CYP4B1: variants seen among roughly 807,000 people sequenced by gnomAD.
CYP4B1 encodes the protein cytochrome P450 family 4 subfamily B member 1.
A neutral mutation model predicts 54.0 loss-of-function variants in CYP4B1; 45 were observed. That is an observed-to-expected ratio of 0.83 (90% confidence interval 0.66 to 1.07). The LOEUF (loss-of-function observed/expected upper bound fraction) is 1.07, where lower values mean the gene tolerates loss of function less well. CYP4B1 is among the 50% of genes least tolerant of loss of function. The pLI is 0.00. For synonymous variants in CYP4B1, 248 were observed against 247.5 expected, an observed-to-expected ratio of 1.00 and a Z score of -0.02; for missense variants, 656 against 655.4, an observed-to-expected ratio of 1.00 and a Z score of -0.01.
chr1:46,806,002 G>A lies in CYP4B1; in HGVS notation c.181-4806G>A, dbSNP rs182427120. ...GGACTTCCCTGGGCAGTGGGAGCCTGTGTGGTCCCAGAGGGAGACCCATGG... is the reference window on the plus strand; with the variant it reads ...GGACTTCCCTGGGCAGTGGGAGCCTATGTGGTCCCAGAGGGAGACCCATGG... On this transcript the variant is annotated intron_variant, in intron 1 of 11. Coordinates refer to ENST00000371923, the MANE Select transcript of CYP4B1 (RefSeq NM_001099772.2). Among the ~76,000 whole-genome samples, 3 of 152,316 alleles carry A rather than the reference G, an allele frequency of 2.0e-5. No individual in the cohort carries two copies. In the East Asian group the frequency reaches 5.8e-4, roughly 29 times the overall value.
At chr1:46,803,956 T>A (rs562299744) in intron 1 of CYP4B1, among the ~76,000 whole-genome samples, 1 of 152,274 alleles carries the variant, frequency 6.6e-6, no homozygotes, top group Admixed American at 6.5e-5. Flanking sequence ...TTGGAAATGC[T>A]GGGTCTGAAG....
In CYP4B1 at chr1:46,813,889, TC is replaced by T; in HGVS notation, c.621-18del. On this transcript the variant is annotated intron_variant, in intron 5 of 11. Coordinates refer to ENST00000371923, the MANE Select transcript of CYP4B1 (RefSeq NM_001099772.2). ...CTGGGCCAGTGTCTAAGCCAATCCC[TC>T]CTCCTACCCTCTGCTTAGCAGGGAC... is the stretch of plus-strand genomic sequence containing the variant. 1.6e-6 allele frequency: 2 copies of T among 1,232,762 alleles called. No homozygotes were observed. The highest frequency in any genetic ancestry group is 3.3e-5 in the South Asian group (2 of 60,272). 76.4% of individuals were successfully genotyped at this position (1,232,762 alleles called of 1,614,324 possible). A position where few individuals can be genotyped will look rare whatever the true frequency, so the allele number is the denominator to read the frequency against.
intron 1 of CYP4B1, among the ~76,000 whole-genome samples, chr1:46,808,569 C>T (rs545292043): frequency 7.9e-5 from 12 of 151,884 alleles, no homozygotes; most frequent in East Asian, 1.9e-4. Flanking sequence ...GAGTAGGTTG[C>T]GAAAATTTTC....
rs1218477855 is a variant in CYP4B1 at position 46,815,550 on chromosome 1, T to C, written c.1073+286T>C. ...GCTAACTTCTTCTGACGGTAGAACCTGATTACCCTTCTGGGTCCCTGGATA... is the reference window on the plus strand; with the variant it reads ...GCTAACTTCTTCTGACGGTAGAACCCGATTACCCTTCTGGGTCCCTGGATA... On this transcript the variant is annotated intron_variant, in intron 8 of 11. Transcript: ENST00000371923. The C allele has an allele frequency of 1.0e-4, 29 of 280,560 alleles. 1 individual carries two copies. 17.4% of individuals were successfully genotyped at this position (280,560 alleles called of 1,614,324 possible).
intron 3 of CYP4B1, 135 bp downstream of exon 3, chr1:46,811,319 C>G (rs1679093174): frequency 1.1e-6 from 1 of 880,700 alleles, no homozygotes; most frequent in Non-Finnish European, 1.9e-6. Context: ...AGCTCAGCTG[C>G]TCAGTGGAGA....
Position 46,815,132 on chromosome 1 carries a change from T to C in CYP4B1, c.941T>C (p.Met314Thr). 6.2e-7 allele frequency: 1 copy of C among 1,614,172 alleles called. No individual in the cohort carries two copies. The highest frequency in any genetic ancestry group is 8.5e-7 in the Non-Finnish European group (1 of 1,180,018). The change falls in exon 8 of 12, where the codon ATG becomes ACG. Residue 314 changes from methionine (M) to threonine (T), a missense_variant. Coordinates refer to ENST00000371923, the MANE Select transcript of CYP4B1 (RefSeq NM_001099772.2). Reference protein sequence around the residue: ...ADLRAEVDTFMFEGHDTTTSG... With the variant: ...ADLRAEVDTFTFEGHDTTTSG... ...CTCCGGGCTGAAGTGGACACATTCA[T>C]GTTTGAAGGCCATGACACCACCACC...
intron 1 of CYP4B1, among the ~76,000 whole-genome samples, chr1:46,800,205 T>TCTC (rs756357452): frequency 0.39 from 13,371 of 34,144 alleles, 3,215 homozygotes; most frequent in East Asian, 0.53. Context: ...TTCTCTTTCT[T>TCTC]TCTTTCTTTC....
chr1:46,813,804 G>C (rs56392063), intron 5 of CYP4B1, 105 bp from the exon 6 acceptor site: 1 of 1,476,672 alleles, frequency 6.8e-7, no homozygotes, highest in South Asian at 1.2e-5. Flanking sequence ...GGGAGAAGAA[G>C]AGCAGGATGC....
At position 46,816,358 on chromosome 1, in the gene CYP4B1, G is replaced by A. The variant is rs533576184; in HGVS notation, c.1074-690G>A. The stretch of plus-strand genomic sequence containing the variant: ...TAGGCATTGTAGGCTGGGTAACAAT[G>A]TGAACACAACCCGAGGCAGGGATTA... On this transcript the variant is annotated intron_variant, in intron 8 of 11. Coordinates refer to ENST00000371923, the MANE Select transcript of CYP4B1 (RefSeq NM_001099772.2). 2.6e-5 allele frequency among the ~76,000 whole-genome samples: 4 copies of A among 152,274 alleles called. No homozygotes were observed. In the South Asian group the frequency reaches 8.3e-4, roughly 32 times the overall value.
At position 46,818,020 on chromosome 1, in the gene CYP4B1, C is replaced by T. The variant is rs186785862; in HGVS notation, c.1263C>T (p.Pro421=). ...TCCATAGGAACAGTGCTGTATGGCC[C>T]GACCCTGAGGTACCCTTTCCCTGGG... ...YALHRNSAVW[P]DPEVFDSLRF... The change falls in exon 10 of 12, where the codon CCC becomes CCT. Residue 421 remains proline, a synonymous_variant. Transcript: ENST00000371923. The T allele has an allele frequency of 4.7e-5, 76 of 1,614,124 alleles. 1 individual carries two copies. The East Asian group carries it at 8.5e-4, about 18-fold the overall frequency.
intron 7 of CYP4B1, 183 bp from the exon 8 acceptor site, chr1:46,814,891 G>A (rs564739123): frequency 1.7e-5 from 10 of 604,132 alleles, no homozygotes; most frequent in Non-Finnish European, 2.9e-5. Context: ...CTTTGTGGAG[G>A]AGGAGGCATC....
intron 1 of CYP4B1, among the ~76,000 whole-genome samples, chr1:46,801,244 A>G (rs1008212360): frequency 2.6e-5 from 4 of 152,332 alleles, no homozygotes; most frequent in Middle Eastern, 3.4e-3. Flanking sequence ...AAGAGGGCCA[A>G]GGGAAGGTTG....
chr1:46,818,342 T>A, intron 11 of CYP4B1, 129 bp downstream of exon 11: 2 of 881,772 alleles, frequency 2.3e-6, no homozygotes, highest in South Asian at 1.6e-5. Flanking sequence ...GTGGTTCTAA[T>A]GCAGGAGGCT....
rs753786936 is a variant in CYP4B1 at position 46,814,010 on chromosome 1, C to G, written c.722C>G (p.Thr241Ser). The change falls in exon 6 of 12, where the codon ACC (threonine) becomes AGC (serine). Residue 241 changes from threonine to serine, a missense_variant. Transcript: ENST00000371923. ...QYHNDFIYWL[T>S]PHGRRFLRAC... Reference sequence around the variant, plus strand: ...CATAATGACTTCATCTACTGGCTCACCCCACATGGCCGCCGCTTCCTGCGG... The same window carrying G: ...CATAATGACTTCATCTACTGGCTCAGCCCACATGGCCGCCGCTTCCTGCGG... The G allele has an allele frequency of 7.4e-6, 12 of 1,614,060 alleles. No homozygotes were observed. In the African/African-American group the frequency reaches 1.6e-4, roughly 22 times the overall value.
intron 6 of CYP4B1, 29 bp downstream of exon 6, chr1:46,814,092 A>G (rs373552568): frequency 1.2e-6 from 2 of 1,613,028 alleles, no homozygotes; most frequent in Admixed American, 3.3e-5. Context: ...GCTCACCTCT[A>G]GGAAGCCTGG....
intron 8 of CYP4B1, 58 bp downstream of exon 8, chr1:46,815,322 A>G (rs1679295020): frequency 4.8e-6 from 7 of 1,449,062 alleles, no homozygotes; most frequent in African/African-American, 1.4e-5. Context: ...GGCGATGCCC[A>G]TCCTGTCCTG....
At chr1:46,815,681 C>T (rs1679308149) in intron 8 of CYP4B1, among the ~76,000 whole-genome samples, 2 of 152,168 alleles carry the variant, frequency 1.3e-5, no homozygotes, top group Non-Finnish European at 2.9e-5. Context: ...TGGCAATACT[C>T]AGCTTCCAGA....
In CYP4B1 at chr1:46,818,202, T is replaced by C; in HGVS notation, c.1344T>C (p.Ser448=). Residue 448 remains serine, a synonymous_variant, in exon 11 of 12, where the codon TCT becomes TCC. Transcript: ENST00000371923. The part of the protein sequence containing the change: ...KRHPFAFMPF[S]AGPRNCIGQQ... ...ATCCCTTTGCCTTTATGCCCTTCTC[T>C]GCTGGGCCCAGGTATGGAGAGACCC... is the stretch of plus-strand genomic sequence containing the variant. 6.2e-7 allele frequency: 1 copy of C among 1,613,974 alleles called. No individual in the cohort carries two copies. The highest frequency in any genetic ancestry group is 8.5e-7 in the Non-Finnish European group (1 of 1,179,878).
At chr1:46,803,452 C>G (rs775494117) in intron 1 of CYP4B1, among the ~76,000 whole-genome samples, 49 of 152,304 alleles carry the variant, frequency 3.2e-4, no homozygotes, top group South Asian at 2.1e-3. Context: ...AAGGATTACC[C>G]TTGGAGCTCT....
Sources: gnomAD v4.1 joint callset for allele counts (sites outside exome capture counted in the v4.1 genomes callset) on GRCh38, gnomAD v4.1.1 for gene constraint, MANE v1.5 for transcripts, NCBI Gene and HGNC (gene_info 2026-07-23, HGNC 2026-07-21) for gene names.